The following ANAPC4 variants were observed in gnomAD, a reference collection of about 807,000 sequenced individuals.
The protein encoded by ANAPC4 is anaphase promoting complex subunit 4, also known as anaphase-promoting complex subunit 4.
ANAPC4 carries 63 observed loss-of-function variants against 119.8 expected under a neutral mutation model. That is an observed-to-expected ratio of 0.53 (90% CI 0.43 to 0.65). ANAPC4 has a LOEUF of 0.65. ANAPC4 is among the 30% of genes least tolerant of loss of function. ANAPC4 has a pLI of 0.00. For missense variants in ANAPC4, 716 were observed against 945.1 expected, an observed-to-expected ratio of 0.76 and a Z score of 3.18; for synonymous variants, 283 against 318.6, an observed-to-expected ratio of 0.89 and a Z score of 1.19.
At chr4:25,391,154 A>G (rs1392304253) in intron 9 of ANAPC4, 139 bp downstream of exon 9, 4 of 611,562 alleles carry the variant, frequency 6.5e-6, no homozygotes, top group Non-Finnish European at 1.1e-5. Context: ...CTACATCCTA[A>G]TATACTGAGT....
At position 25,416,701 on chromosome 4, in the gene ANAPC4, A is replaced by G. The variant is rs1723897082; in HGVS notation, c.2075+103A>G. ...TACGCTAGATAATGGTTATTTCGTT[A>G]CTAGAGATAACCACAGAGGTAGCTG... On this transcript the variant is annotated intron_variant, in intron 27 of 28. Coordinates refer to ENST00000315368, the MANE Select transcript of ANAPC4 (RefSeq NM_013367.3). 3.2e-6 allele frequency: 3 copies of G among 940,012 alleles called. No homozygotes were observed. The East Asian group carries it at 8.6e-5, about 27-fold the overall frequency. 58.2% of individuals were successfully genotyped at this position (940,012 alleles called of 1,614,324 possible). A position where few individuals can be genotyped will look rare whatever the true frequency, so the allele number is the denominator to read the frequency against.
chr4:25,414,574 ATAT>A (rs1190338163), intron 24 of ANAPC4, 22 bp from the exon 25 acceptor site: 5 of 1,553,906 alleles, frequency 3.2e-6, no homozygotes, highest in African/African-American at 1.4e-5. Flanking sequence ...TAGTTAAAAA[ATAT>A]TATGACAATT....
chr4:25,409,697 G>T lies in ANAPC4; in HGVS notation c.1432-1G>T. On this transcript the variant is annotated splice_acceptor_variant, in intron 20 of 28. Coordinates refer to ENST00000315368, the MANE Select transcript of ANAPC4 (RefSeq NM_013367.3). LOFTEE classifies it high-confidence loss of function. ...TTAAATTTCTAATTCTGTATTTCTA[G>T]TACTTGAAAGATGAAGATGATGATC... 1 of 1,598,418 alleles carries T rather than the reference G, an allele frequency of 6.3e-7. No homozygotes were observed. The highest frequency in any genetic ancestry group is 8.6e-7 in the Non-Finnish European group (1 of 1,167,872).
At chr4:25,406,977 AT>A in intron 19 of ANAPC4, 92 bp downstream of exon 19, 1 of 1,070,486 alleles carries the variant, frequency 9.3e-7, no homozygotes. Flanking sequence ...ACCCAATTTA[AT>A]TGAAGTCTAT....
At chr4:25,389,158 AAT>A (rs1722203091) in intron 7 of ANAPC4, among the ~76,000 whole-genome samples, 1 of 117,244 alleles carries the variant, frequency 8.5e-6, no homozygotes. Context: ...ACACCCAGCT[AAT>A]TTTTTTTTTT....
At chr4:25,408,817 A>G (rs1331544508) in intron 20 of ANAPC4, among the ~76,000 whole-genome samples, 1 of 152,140 alleles carries the variant, frequency 6.6e-6, no homozygotes, top group African/African-American at 2.4e-5. Flanking sequence ...CTTTTAACAT[A>G]AGTGCTTTTC....
intron 21 of ANAPC4, 130 bp from the exon 22 acceptor site, chr4:25,413,515 T>A: frequency 9.2e-4 from 497 of 542,448 alleles, no homozygotes; most frequent in East Asian, 2.1e-3. Flanking sequence ...GAAAATCCAA[T>A]GAAGTGGTCA....
In ANAPC4 at chr4:25,406,418, T is replaced by G. The variant is rs1302432022; in HGVS notation, c.1318-411T>G. On this transcript the variant is annotated intron_variant, in intron 18 of 28. Coordinates refer to ENST00000315368, the MANE Select transcript of ANAPC4 (RefSeq NM_013367.3). The stretch of plus-strand genomic sequence containing the variant: ...CTAAATTGGGATAAATTCAGGTCAC[T>G]GCAAGAAGCAGGAGCCTACACTGAA... 1.3e-5 allele frequency among the ~76,000 whole-genome samples: 2 copies of G among 152,198 alleles called. 1 individual carries two copies. Among genetic ancestry groups the G allele is most frequent in the Non-Finnish European group, 2.9e-5 (2 of 68,024 alleles).
At chr4:25,382,149 G>T (rs1721772909) in intron 3 of ANAPC4, among the ~76,000 whole-genome samples, 1 of 152,026 alleles carries the variant, frequency 6.6e-6, no homozygotes, top group Non-Finnish European at 1.5e-5. Flanking sequence ...TCCCATGTCA[G>T]TGTGGATAGA....
At chr4:25,396,196 A>G (rs529527517) in intron 14 of ANAPC4, among the ~76,000 whole-genome samples, 3 of 152,288 alleles carry the variant, frequency 2.0e-5, no homozygotes, top group Admixed American at 2.0e-4. Context: ...CAAGGCATTT[A>G]TAGTAGTTGG....
intron 20 of ANAPC4, among the ~76,000 whole-genome samples, chr4:25,408,643 C>T (rs978694657): frequency 4.0e-5 from 6 of 151,754 alleles, no homozygotes; most frequent in Admixed American, 2.0e-4. Context: ...GCTGGGGCTA[C>T]AAGCACACAC....
intron 2 of ANAPC4, among the ~76,000 whole-genome samples, chr4:25,379,028 G>T (rs115318942): frequency 6.6e-6 from 1 of 152,198 alleles, no homozygotes; most frequent in African/African-American, 2.4e-5. Flanking sequence ...ACAGGTGGTA[G>T]AATCAATAGA....
At chr4:25,400,145 G>A (rs544988565) in intron 16 of ANAPC4, among the ~76,000 whole-genome samples, 54 of 152,322 alleles carry the variant, frequency 3.5e-4, no homozygotes, top group African/African-American at 1.3e-3. Flanking sequence ...GCTGTAAAGG[G>A]AATGGCCAGT....
intron 3 of ANAPC4, 130 bp from the exon 4 acceptor site, chr4:25,383,131 G>A (rs760384142): frequency 2.5e-5 from 20 of 784,884 alleles, no homozygotes; most frequent in Non-Finnish European, 3.6e-5. Flanking sequence ...AAATATTGAA[G>A]GATGTTTAGG....
rs1460059787 is a variant in ANAPC4, at chr4:25,383,331, C to T, written c.306C>T (p.His102=). 2.5e-6 allele frequency: 4 copies of T among 1,613,164 alleles called. No individual in the cohort carries two copies. Among genetic ancestry groups the T allele is most frequent in the African/African-American group, 2.7e-5 (2 of 74,902 alleles). The change falls in exon 4 of 29, where the codon CAC becomes CAT. Residue 102 remains histidine, a synonymous_variant. Coordinates refer to ENST00000315368, the MANE Select transcript of ANAPC4 (RefSeq NM_013367.3). ...ATGTAGAAAAACCTGAGAGCTTACA[C>T]TCTTTTTCTGTGGAGGCTCCAGTTT... ...LCDVEKPESL[H]SFSVEAPVSC...
intron 3 of ANAPC4, among the ~76,000 whole-genome samples, chr4:25,381,947 C>CA (rs66528862): frequency 2.6e-5 from 4 of 151,418 alleles, no homozygotes; most frequent in Admixed American, 6.6e-5. Context: ...GACTCCGTCT[C>CA]AAAAAAAAAA....
intron 16 of ANAPC4, among the ~76,000 whole-genome samples, chr4:25,397,193 T>A (rs891043206): frequency 6.6e-6 from 1 of 152,242 alleles, no homozygotes; most frequent in African/African-American, 2.4e-5. Flanking sequence ...TTCTAAATTG[T>A]ATGACTATGC....
At chr4:25,380,311 A>T (rs1049312002) in intron 2 of ANAPC4, 63 bp from the exon 3 acceptor site, 2 of 1,331,548 alleles carry the variant, frequency 1.5e-6, no homozygotes, top group South Asian at 2.6e-5. Context: ...GTAGGGATCT[A>T]GGTTTATTTT....
At chr4:25,391,089 T>C in intron 9 of ANAPC4, 74 bp downstream of exon 9, 1 of 1,114,268 alleles carries the variant, frequency 9.0e-7, no homozygotes, top group East Asian at 2.4e-5. Context: ...TTTATCCACA[T>C]CTCACTGTAT....
Sources: gnomAD v4.1 joint callset for allele counts (sites outside exome capture counted in the v4.1 genomes callset) on GRCh38, gnomAD v4.1.1 for gene constraint, MANE v1.5 for transcripts, NCBI Gene and HGNC (gene_info 2026-07-23, HGNC 2026-07-21) for gene names.